RBM47: variants seen among roughly 807,000 people sequenced by gnomAD.
The protein encoded by RBM47 is RNA binding motif protein 47.
In RBM47, 21 loss-of-function variants were observed where a neutral mutation model predicts 47.1. That is an observed-to-expected ratio of 0.45 (90% CI 0.32 to 0.64). RBM47 has a LOEUF of 0.64. RBM47 is among the 30% of genes least tolerant of loss of function. The pLI is 0.05. For synonymous variants in RBM47, 375 were observed against 361.7 expected, an observed-to-expected ratio of 1.04 and a Z score of -0.42; for missense variants, 708 against 870.9, an observed-to-expected ratio of 0.81 and a Z score of 2.35.
chr4:40,603,882 G>A (rs1735502404), intron 1 of RBM47, among the ~76,000 whole-genome samples: 4 of 152,144 alleles, frequency 2.6e-5, no homozygotes, highest in Non-Finnish European at 2.9e-5. Flanking sequence ...GATTACAGGC[G>A]TGAGCCACAC....
chr4:40,541,933 C>T (rs1728586411), intron 2 of RBM47, among the ~76,000 whole-genome samples: 1 of 152,060 alleles, frequency 6.6e-6, no homozygotes, highest in African/African-American at 2.4e-5. Context: ...TTGACTATGT[C>T]GATGATCACC....
intron 2 of RBM47, among the ~76,000 whole-genome samples, chr4:40,517,744 G>T (rs980453884): frequency 6.6e-6 from 1 of 152,078 alleles, no homozygotes; most frequent in Non-Finnish European, 1.5e-5. Context: ...TGAAAAGGAC[G>T]GCTGTGTCTG....
intron 2 of RBM47, among the ~76,000 whole-genome samples, chr4:40,491,485 T>C (rs958862019): frequency 6.6e-6 from 1 of 152,068 alleles, no homozygotes; most frequent in Non-Finnish European, 1.5e-5. Flanking sequence ...AATAATGAAA[T>C]TGTCCTTTGT....
At chr4:40,582,363 G>A (rs765464322) in intron 1 of RBM47, among the ~76,000 whole-genome samples, 26 of 151,966 alleles carry the variant, frequency 1.7e-4, no homozygotes, top group Non-Finnish European at 2.6e-4. Context: ...GTAAAACCCC[G>A]ACTCTACCAA....
At chr4:40,614,620 G>T (rs987123370) in intron 1 of RBM47, among the ~76,000 whole-genome samples, 15 of 151,070 alleles carry the variant, frequency 9.9e-5, no homozygotes, top group African/African-American at 3.7e-4. Context: ...GAACGCTTGA[G>T]CCCAGAAGTT....
At chr4:40,487,932 G>A (rs1721330074) in intron 2 of RBM47, among the ~76,000 whole-genome samples, 1 of 124,868 alleles carries the variant, frequency 8.0e-6, no homozygotes, top group Non-Finnish European at 1.7e-5. Context: ...TACAGGGCCA[G>A]AGGAGGGAAA....
At chr4:40,526,315 C>A (rs1196356782) in intron 2 of RBM47, among the ~76,000 whole-genome samples, 1 of 152,184 alleles carries the variant, frequency 6.6e-6, no homozygotes, top group Non-Finnish European at 1.5e-5. Flanking sequence ...CCTGGCTGCC[C>A]TTCCCTGTCT....
chr4:40,441,732 C>CAGT (rs1560366451), intron 3 of RBM47, among the ~76,000 whole-genome samples: 1 of 152,232 alleles, frequency 6.6e-6, no homozygotes, highest in African/African-American at 2.4e-5. Flanking sequence ...AACAGTCTTA[C>CAGT]AGTAGTCAGG....
intron 1 of RBM47, among the ~76,000 whole-genome samples, chr4:40,601,958 T>G (rs1398579592): frequency 6.6e-6 from 1 of 151,676 alleles, no homozygotes; most frequent in African/African-American, 2.4e-5. Flanking sequence ...AGCTTGAGGT[T>G]AGGAGTTTGA....
At position 40,507,643 on chromosome 4, in the gene RBM47, C is replaced by T. The variant is rs539722609; in HGVS notation, c.-155+36779G>A. Among the ~76,000 whole-genome samples the T allele has an allele frequency of 6.6e-5, 10 of 152,082 alleles. No homozygotes were observed. The South Asian group carries it at 8.3e-4, about 13-fold the overall frequency. On this transcript the variant is annotated intron_variant, in intron 2 of 6. Transcript: ENST00000295971. ...CTCTACTAAAAATACAAAAATTAGC[C>T]GGGCGTGGTGGCGTGCACCTGTAAT...
At chr4:40,610,511 G>A (rs1157663717) in intron 1 of RBM47, among the ~76,000 whole-genome samples, 1 of 151,040 alleles carries the variant, frequency 6.6e-6, no homozygotes, top group Non-Finnish European at 1.5e-5. Context: ...TCAGGAGGCT[G>A]AGGCCAGCAA....
chr4:40,627,482 C>T (rs1044313030), intron 1 of RBM47, among the ~76,000 whole-genome samples: 3 of 152,132 alleles, frequency 2.0e-5, no homozygotes, highest in African/African-American at 4.8e-5. Context: ...GATGTGGAGG[C>T]GGAAACTTAC....
chr4:40,604,103 T>C (rs901413643), intron 1 of RBM47, among the ~76,000 whole-genome samples: 1 of 152,218 alleles, frequency 6.6e-6, no homozygotes, highest in Non-Finnish European at 1.5e-5. Flanking sequence ...CCTTTGGCCC[T>C]AACCAACCAT....
rs186302855 is a variant in RBM47, at chr4:40,620,654, C to T, written c.-240+8742G>A. 9.9e-4 allele frequency among the ~76,000 whole-genome samples: 151 copies of T among 152,242 alleles called. 2 individuals are homozygous for T. The highest frequency in any genetic ancestry group is 9.4e-3 in the Admixed American group (144 of 15,288). On this transcript the variant is annotated intron_variant, in intron 1 of 6. Transcript: ENST00000295971. ...CCTCTATATAGTATATTACCAAAGACAAGTCTAATTTAACATTTATATGCT... is the reference window on the plus strand; with the variant it reads ...CCTCTATATAGTATATTACCAAAGATAAGTCTAATTTAACATTTATATGCT...
intron 3 of RBM47, among the ~76,000 whole-genome samples, chr4:40,449,244 GA>G (rs1366161846): frequency 3.3e-5 from 5 of 152,178 alleles, no homozygotes; most frequent in Non-Finnish European, 7.3e-5. Flanking sequence ...TCTTGCTACT[GA>G]AAAGCATGGC....
At chr4:40,589,316 A>G (rs1733906128) in intron 1 of RBM47, among the ~76,000 whole-genome samples, 1 of 152,236 alleles carries the variant, frequency 6.6e-6, no homozygotes, top group Non-Finnish European at 1.5e-5. Context: ...TTACTGTGTA[A>G]AATGATTGTT....
At chr4:40,517,908 C>G (rs1725770824) in intron 2 of RBM47, among the ~76,000 whole-genome samples, 1 of 152,140 alleles carries the variant, frequency 6.6e-6, no homozygotes, top group Non-Finnish European at 1.5e-5. Flanking sequence ...TATGCAAATA[C>G]TGCACCATTT....
intron 3 of RBM47, among the ~76,000 whole-genome samples, chr4:40,444,735 G>A (rs1714246372): frequency 6.6e-6 from 1 of 151,314 alleles, no homozygotes; most frequent in Admixed American, 6.6e-5. Context: ...TATGATCTTG[G>A]CTCACTGCAA....
chr4:40,552,622 T>C (rs534759286), intron 1 of RBM47, among the ~76,000 whole-genome samples: 47 of 152,288 alleles, frequency 3.1e-4, no homozygotes, highest in African/African-American at 1.1e-3. Flanking sequence ...GTCACTTCCC[T>C]TCTCAAAACC....
Sources: allele counts gnomAD v4.1 joint callset (sites outside exome capture counted in the v4.1 genomes callset), GRCh38; gene constraint gnomAD v4.1.1; transcripts MANE v1.5; gene names NCBI Gene and HGNC (gene_info 2026-07-23, HGNC 2026-07-21).